Variants in OTOF observed in about 807,000 individuals in gnomAD.
The protein encoded by OTOF is otoferlin, also known as fer-1-like family member 2.
OTOF carries 218 observed loss-of-function variants against 236.8 expected under a neutral mutation model. That is an observed-to-expected ratio of 0.92 (90% CI 0.82 to 1.03). The LOEUF is 1.03. OTOF is among the 50% of genes least tolerant of loss of function. OTOF has a pLI of 0.00. For synonymous variants in OTOF, 1,041 were observed against 1,072.5 expected (o/e 0.97, Z 0.57); for missense variants, 2,590 against 2,694.4 (o/e 0.96, Z 0.86).
Position 26,458,052 on chromosome 2 carries a change from G to A in OTOF, c.*186C>T. On this transcript the variant is annotated 3_prime_UTR_variant, in exon 47 of 47. Coordinates refer to ENST00000272371, the MANE Select transcript of OTOF (RefSeq NM_194248.3). The stretch of plus-strand genomic sequence containing the variant: ...GAGCTGGCGGCCTTCATGCCCCAAG[G>A]AGCTTTTTGACCATGTAGCCAGGGA... 6.2e-7 allele frequency: 1 copy of A among 1,613,410 alleles called. No homozygotes were observed. Among genetic ancestry groups the A allele is most frequent in the Non-Finnish European group, 8.5e-7 (1 of 1,179,404 alleles).
Position 26,483,562 on chromosome 2 carries a change from C to A in OTOF, c.1292G>T (p.Arg431Leu). ...VKIYRAEGLP[R>L]MNTSLMANVK... ...ATTGGCCATGAGGCTTGTGTTCATACGGGGCAGCCCCTCTGCTCGGTAAAT... is the reference window on the plus strand; with the variant it reads ...ATTGGCCATGAGGCTTGTGTTCATAAGGGGCAGCCCCTCTGCTCGGTAAAT... The change falls in exon 13 of 47, where the codon CGT becomes CTT. Residue 431 changes from arginine to leucine, a missense_variant. Arg to Leu is a moderately radical substitution (Grantham distance 102). Coordinates refer to ENST00000272371, the MANE Select transcript of OTOF (RefSeq NM_194248.3). The A allele has an allele frequency of 1.2e-6, 2 of 1,613,938 alleles. No individual in the cohort carries two copies. Among genetic ancestry groups the A allele is most frequent in the Non-Finnish European group, 1.7e-6 (2 of 1,179,998 alleles).
intron 12 of OTOF, among the ~76,000 whole-genome samples, chr2:26,483,991 G>A (rs1434859634): frequency 3.3e-5 from 5 of 152,144 alleles, no homozygotes; most frequent in Non-Finnish European, 7.3e-5. Flanking sequence ...GTTTTGTGCC[G>A]TATCTTTTGT....
chr2:26,512,710 G>T (rs1360934868), intron 5 of OTOF, among the ~76,000 whole-genome samples: 1 of 152,176 alleles, frequency 6.6e-6, no homozygotes, highest in East Asian at 1.9e-4. Flanking sequence ...GAGCTGAGAA[G>T]GTGCTTGGAC....
At position 26,472,168 on chromosome 2, in the gene OTOF, CAT is replaced by C. The variant is rs1346998707; in HGVS notation, c.3864+349_3864+350del. ...CATACCCCACATACATGCACACACA[CAT>C]GCACATACACCACATGCATACATGC... On this transcript the variant is annotated intron_variant, in intron 30 of 46. Transcript: ENST00000272371. 2.6e-5 allele frequency among the ~76,000 whole-genome samples: 4 copies of C among 151,556 alleles called. No homozygotes were observed. In the East Asian group the frequency reaches 7.8e-4, roughly 30 times the overall value.
At chr2:26,542,498 A>G (rs1667233096) in intron 1 of OTOF, among the ~76,000 whole-genome samples, 2 of 152,224 alleles carry the variant, frequency 1.3e-5, no homozygotes, top group Admixed American at 6.5e-5. Flanking sequence ...AGAACACAGG[A>G]AAAGGAGCAA....
At chr2:26,459,903 C>T in intron 46 of OTOF, 105 bp downstream of exon 46, 1 of 1,093,664 alleles carries the variant, frequency 9.1e-7, no homozygotes, top group Non-Finnish European at 1.3e-6. Flanking sequence ...TGTTTGTGTG[C>T]ACATGTATGC....
At chr2:26,459,906 A>G in intron 46 of OTOF, 102 bp downstream of exon 46, 1 of 1,114,904 alleles carries the variant, frequency 9.0e-7, no homozygotes, top group East Asian at 2.6e-5. Context: ...TTGTGTGCAC[A>G]TGTATGCATA....
At chr2:26,513,442 C>A (rs139611002) in intron 5 of OTOF, among the ~76,000 whole-genome samples, 1 of 152,150 alleles carries the variant, frequency 6.6e-6, no homozygotes, top group African/African-American at 2.4e-5. Flanking sequence ...AAGATTCCAG[C>A]CTGGGCTGCC....
At chr2:26,537,295 C>T (rs1381103330) in intron 2 of OTOF, among the ~76,000 whole-genome samples, 1 of 152,154 alleles carries the variant, frequency 6.6e-6, no homozygotes, top group African/African-American at 2.4e-5. Flanking sequence ...CGGGGCTGCC[C>T]TGCTCTTCAA....
intron 9 of OTOF, 41 bp downstream of exon 9, chr2:26,494,901 G>A: frequency 1.9e-6 from 3 of 1,613,062 alleles, no homozygotes; most frequent in East Asian, 2.2e-5. Flanking sequence ...CCACCCTCCT[G>A]CCATATTTAC....
At chr2:26,553,537 T>G (rs1373690559) in intron 1 of OTOF, among the ~76,000 whole-genome samples, 1 of 152,186 alleles carries the variant, frequency 6.6e-6, no homozygotes, top group East Asian at 1.9e-4. Context: ...TTCACCTCTG[T>G]GTGTATGTTT....
At chr2:26,515,054 G>A (rs2148096335) in intron 5 of OTOF, among the ~76,000 whole-genome samples, 1 of 152,364 alleles carries the variant, frequency 6.6e-6, no homozygotes. Flanking sequence ...TCACCAGCCT[G>A]GACATGGGCA....
intron 3 of OTOF, among the ~76,000 whole-genome samples, chr2:26,523,469 G>C (rs1011763535): frequency 6.6e-6 from 1 of 152,136 alleles, no homozygotes; most frequent in Non-Finnish European, 1.5e-5. Flanking sequence ...GATGGGATCA[G>C]GCTCATTTCT....
At chr2:26,484,382 T>C (rs1665649002) in intron 12 of OTOF, 92 bp downstream of exon 12, 1 of 1,334,744 alleles carries the variant, frequency 7.5e-7, no homozygotes, top group African/African-American at 1.4e-5. Flanking sequence ...GGGAGACGGG[T>C]GGCAGGTGCT....
rs550922241 is a variant in OTOF at position 26,545,478 on chromosome 2, A to AT, written c.80-7705dup. On this transcript the variant is annotated intron_variant, in intron 1 of 46. Transcript: ENST00000272371. ...GCCTTCTCTTGCCTTCTTAAATGTG[A>AT]TTTTTTTATGAATAGGAGTTTTCAA... is the stretch of plus-strand genomic sequence containing the variant. Among the ~76,000 whole-genome samples, 62 of 152,108 alleles carry AT rather than the reference A, an allele frequency of 4.1e-4. 2 individuals carry two copies. In the South Asian group the frequency reaches 0.012, roughly 30 times the overall value.
At chr2:26,537,596 G>A (rs1038743802) in intron 2 of OTOF, 120 bp downstream of exon 2, 2 of 760,824 alleles carry the variant, frequency 2.6e-6, no homozygotes, top group African/African-American at 3.5e-5. Flanking sequence ...AGAGGTGAGG[G>A]GCTCAGAGCA....
At chr2:26,478,916 C>T (rs372737472) in intron 18 of OTOF, among the ~76,000 whole-genome samples, 26 of 152,200 alleles carry the variant, frequency 1.7e-4, no homozygotes, top group Admixed American at 1.2e-3. Flanking sequence ...CCAGGATGGT[C>T]TCGAACTCCT....
chr2:26,537,640 C>G (rs889591407), intron 2 of OTOF, 76 bp downstream of exon 2: 1 of 1,144,290 alleles, frequency 8.7e-7, no homozygotes, highest in African/African-American at 1.5e-5. Flanking sequence ...CAGTGTGTGC[C>G]CGCAAGAGGC....
intron 5 of OTOF, among the ~76,000 whole-genome samples, chr2:26,512,491 G>A (rs1364210640): frequency 6.6e-6 from 1 of 152,230 alleles, no homozygotes; most frequent in Non-Finnish European, 1.5e-5. Flanking sequence ...GCAGGCATAC[G>A]CTGCCATGCA....
Sources: allele counts gnomAD v4.1 joint callset (sites outside exome capture counted in the v4.1 genomes callset), GRCh38; gene constraint gnomAD v4.1.1; transcripts MANE v1.5; gene names NCBI Gene and HGNC (gene_info 2026-07-23, HGNC 2026-07-21).